PROM1: variants seen among roughly 807,000 people sequenced by gnomAD.
PROM1 encodes the protein prominin 1, also known as prominin-1.
Under a neutral mutation model 116.9 loss-of-function variants are expected in PROM1, and 105 were observed. That is an observed-to-expected ratio of 0.90 (90% CI 0.77 to 1.06). The LOEUF is 1.06. Ranked by LOEUF, PROM1 falls within the 50% of genes least tolerant of loss-of-function variation. PROM1 has a pLI of 0.00. For synonymous variants in PROM1, 393 were observed against 387.0 expected (o/e 1.02, Z -0.18); for missense variants, 1,122 against 1,045.2 (o/e 1.07, Z -1.01).
intron 1 of PROM1, chr4:16,078,433 A>G (rs1744392281): frequency 6.6e-6 from 1 of 152,254 alleles, no homozygotes; most frequent in South Asian, 2.1e-4. Flanking sequence ...GTGGGTGGAA[A>G]CCAAACACAG....
chr4:16,025,593 T>C (rs1468030398), intron 5 of PROM1, among the ~76,000 whole-genome samples: 2 of 152,202 alleles, frequency 1.3e-5, no homozygotes, highest in Middle Eastern at 3.2e-3. Flanking sequence ...CAACAAATTG[T>C]GGAGGAAATA....
chr4:15,970,221 A>G (rs10939646), intron 27 of PROM1, among the ~76,000 whole-genome samples: 32,911 of 147,254 alleles, frequency 0.22, 4,336 homozygotes, highest in Admixed American at 0.3. Flanking sequence ...GCTGGAGTGC[A>G]GTGGTGTGAT....
chr4:16,070,392 C>T (rs1250040896), intron 2 of PROM1, among the ~76,000 whole-genome samples: 1 of 152,038 alleles, frequency 6.6e-6, no homozygotes, highest in African/African-American at 2.4e-5. Context: ...GCAGAGGGGA[C>T]TTTGTTATTA....
chr4:15,970,983 G>A lies in PROM1; in HGVS notation c.*24+60C>T, dbSNP rs1714396364. ...GTATTAGGAATAGCTATGTTTTGATGTTCTAAAAACTAAAAACTATAGTCC... is the reference window on the plus strand; with the variant it reads ...GTATTAGGAATAGCTATGTTTTGATATTCTAAAAACTAAAAACTATAGTCC... On this transcript the variant is annotated intron_variant, in intron 27 of 27. Coordinates refer to ENST00000447510, the MANE Select transcript of PROM1 (RefSeq NM_006017.3). 3.0e-6 allele frequency: 4 copies of A among 1,325,664 alleles called. No individual in the cohort carries two copies. In the South Asian group the frequency reaches 5.1e-5, roughly 17 times the overall value. The allele number at this position is 1,325,664 out of a possible 1,614,324, so 82.1% of individuals were successfully genotyped here. A position where few individuals can be genotyped will look rare whatever the true frequency, so the allele number is the denominator to read the frequency against.
intron 23 of PROM1, 69 bp from the exon 24 acceptor site, chr4:15,980,606 AT>A (rs200645062): frequency 0.043 from 30,492 of 712,004 alleles, 192 homozygotes; most frequent in East Asian, 0.097. Flanking sequence ...TGTTTGGGGG[AT>A]TTTTTTTTTT....
intron 20 of PROM1, 64 bp downstream of exon 20, chr4:15,987,599 C>A: frequency 6.7e-7 from 1 of 1,490,368 alleles, no homozygotes; most frequent in South Asian, 1.2e-5. Context: ...ATCCACATTT[C>A]TAGCATTCTT....
At chr4:15,981,060 C>A (rs962858579) in intron 23 of PROM1, among the ~76,000 whole-genome samples, 110 of 151,530 alleles carry the variant, frequency 7.3e-4, no homozygotes, top group African/African-American at 2.5e-3. Context: ...CTCCTGGGTT[C>A]ATGCCATTCT....
intron 2 of PROM1, among the ~76,000 whole-genome samples, chr4:16,066,307 A>C (rs1741521284): frequency 6.6e-6 from 1 of 152,228 alleles, no homozygotes; most frequent in Non-Finnish European, 1.5e-5. Flanking sequence ...GATTTTATAC[A>C]TTCATATTTT....
chr4:16,057,882 C>T (rs1739402434), intron 2 of PROM1, among the ~76,000 whole-genome samples: 1 of 152,098 alleles, frequency 6.6e-6, no homozygotes, highest in Non-Finnish European at 1.5e-5. Context: ...TGGTTCCATC[C>T]CCCACAGCAT....
chr4:16,065,736 T>C (rs953919332), intron 2 of PROM1, among the ~76,000 whole-genome samples: 1 of 152,214 alleles, frequency 6.6e-6, no homozygotes, highest in African/African-American at 2.4e-5. Context: ...GCTTAATATC[T>C]CTGAGCAGCA....
intron 2 of PROM1, among the ~76,000 whole-genome samples, chr4:16,044,786 C>T (rs1736130036): frequency 6.6e-6 from 1 of 152,178 alleles, no homozygotes; most frequent in Admixed American, 6.5e-5. Flanking sequence ...GCAGGCACTT[C>T]CAAATAAATT....
In PROM1 at chr4:16,008,986, TGTG is replaced by T; in HGVS notation, c.1261_1263del (p.His421del). ...TACTCTTCCAATGTAGGTAAATTTC[TGTG>T]GATGTAACTTTCAGTGTTATTAACA... On this transcript the variant is annotated inframe_deletion, in exon 12 of 28. Transcript: ENST00000447510. The T allele has an allele frequency of 6.3e-7, 1 of 1,595,668 alleles. No individual in the cohort carries two copies. Among genetic ancestry groups the T allele is most frequent in the East Asian group, 2.2e-5 (1 of 44,764 alleles).
At chr4:16,000,282 C>A (rs1031394581) in intron 14 of PROM1, among the ~76,000 whole-genome samples, 1 of 152,100 alleles carries the variant, frequency 6.6e-6, no homozygotes, top group South Asian at 2.1e-4. Flanking sequence ...AAAATAAGGA[C>A]GCTCCCATAT....
intron 1 of PROM1, among the ~76,000 whole-genome samples, chr4:16,077,300 GTT>G (rs1054682489): frequency 6.6e-6 from 1 of 152,218 alleles, no homozygotes; most frequent in African/African-American, 2.4e-5. Flanking sequence ...GCATTGAGAT[GTT>G]TATGGGTATG....
chr4:16,036,529 G>A (rs529473620), intron 3 of PROM1, among the ~76,000 whole-genome samples: 2 of 152,248 alleles, frequency 1.3e-5, no homozygotes, highest in Admixed American at 6.5e-5. Flanking sequence ...GAAGGGGCAC[G>A]CAGGCTTGTT....
At chr4:16,006,871 C>T (rs1344928755) in intron 12 of PROM1, among the ~76,000 whole-genome samples, 181 bp from the exon 13 acceptor site, 1 of 152,188 alleles carries the variant, frequency 6.6e-6, no homozygotes, top group Admixed American at 6.5e-5. Context: ...CTTTGCCTTC[C>T]AATTCAACCA....
At chr4:16,004,847 TCC>T (rs1724855885) in intron 13 of PROM1, among the ~76,000 whole-genome samples, 24 of 141,228 alleles carry the variant, frequency 1.7e-4, no homozygotes, top group African/African-American at 6.6e-4. Flanking sequence ...CTTCCTTCCT[TCC>T]TTCCTTCCTT....
chr4:16,029,478 G>A (rs1185842777), intron 5 of PROM1, among the ~76,000 whole-genome samples: 2 of 152,034 alleles, frequency 1.3e-5, no homozygotes, highest in Non-Finnish European at 2.9e-5. Context: ...ACAGTCTACA[G>A]TGAGGGGTGG....
intron 15 of PROM1, among the ~76,000 whole-genome samples, chr4:15,995,512 C>A (rs747101682): frequency 1.3e-5 from 2 of 152,142 alleles, no homozygotes; most frequent in Non-Finnish European, 2.9e-5. Context: ...TGTCTCAGGG[C>A]TCCAGAAGCT....
Sources: allele counts gnomAD v4.1 joint callset (sites outside exome capture counted in the v4.1 genomes callset), GRCh38; gene constraint gnomAD v4.1.1; transcripts MANE v1.5; gene names NCBI Gene and HGNC (gene_info 2026-07-23, HGNC 2026-07-21).